The following IFT57 variants were observed in gnomAD, a reference collection of about 807,000 sequenced individuals.
The protein encoded by IFT57 is intraflagellar transport protein 57 homolog.
Under a neutral mutation model 56.8 loss-of-function variants are expected in IFT57, and 59 were observed. The observed-to-expected ratio is 1.04, with a 90% CI of 0.84 to 1.29. The LOEUF is 1.29. Ranked by LOEUF, IFT57 falls within the 50% of genes most tolerant of loss-of-function variation. The pLI is 0.00. For missense variants in IFT57, 470 were observed against 522.1 expected, an observed-to-expected ratio of 0.90 and a Z score of 0.97; for synonymous variants, 209 against 186.1, an observed-to-expected ratio of 1.12 and a Z score of -1.00.
intron 6 of IFT57, among the ~76,000 whole-genome samples, chr3:108,179,315 A>G (rs1192678129): frequency 6.6e-6 from 1 of 151,956 alleles, no homozygotes; most frequent in Non-Finnish European, 1.5e-5. Context: ...AGGGTCAACA[A>G]TTCTTTGCAA....
At chr3:108,207,323 C>A (rs113659793) in intron 4 of IFT57, among the ~76,000 whole-genome samples, 30 of 152,258 alleles carry the variant, frequency 2.0e-4, no homozygotes, top group African/African-American at 6.5e-4. Flanking sequence ...TAGAAAGTGA[C>A]CCTTTGAGAG....
chr3:108,211,977 T>C (rs2080344606), intron 4 of IFT57, among the ~76,000 whole-genome samples: 1 of 152,208 alleles, frequency 6.6e-6, no homozygotes. Flanking sequence ...TTTTTCTTTG[T>C]AAACTTTGTA....
At chr3:108,186,321 C>CAAAAAA (rs3053401) in intron 6 of IFT57, among the ~76,000 whole-genome samples, 1 of 140,078 alleles carries the variant, frequency 7.1e-6, no homozygotes, top group Admixed American at 7.1e-5. Flanking sequence ...GTGGCTATGC[C>CAAAAAA]AAAAAAAAAA....
Position 108,219,529 on chromosome 3 carries a change from T to G in IFT57, c.256A>C (p.Met86Leu). The G allele has an allele frequency of 6.2e-7, 1 of 1,613,930 alleles. No homozygotes were observed. The highest frequency in any genetic ancestry group is 8.5e-7 in the Non-Finnish European group (1 of 1,179,862). ...LPTNPGEQFY[M>L]FCTLAAWLIN... The stretch of plus-strand genomic sequence containing the variant: ...AACCAAGCAGCAAGAGTACAAAACA[T>G]GTAGAACTGTTCGCCAGGGTTGGTA... The change falls in exon 2 of 11, where the codon ATG (methionine) becomes CTG (leucine). Residue 86 changes from methionine (M) to leucine (L), a missense_variant. Transcript: ENST00000264538.
intron 6 of IFT57, among the ~76,000 whole-genome samples, chr3:108,168,769 T>G (rs1196851244): frequency 6.6e-6 from 1 of 152,032 alleles, no homozygotes; most frequent in African/African-American, 2.4e-5. Flanking sequence ...CCTGTGTTAG[T>G]CTGCTGAGAA....
chr3:108,190,583 C>T (rs1560113223), intron 6 of IFT57, among the ~76,000 whole-genome samples: 1 of 152,192 alleles, frequency 6.6e-6, no homozygotes, highest in Non-Finnish European at 1.5e-5. Flanking sequence ...TAAGGCCTCC[C>T]CAGCCATGCT....
At chr3:108,164,244 C>T (rs773170715) in intron 9 of IFT57, among the ~76,000 whole-genome samples, 1 of 151,894 alleles carries the variant, frequency 6.6e-6, no homozygotes, top group African/African-American at 2.4e-5. Context: ...ATTGCTTTAT[C>T]CAAATCATGA....
chr3:108,182,148 C>T (rs1019683800), intron 6 of IFT57, among the ~76,000 whole-genome samples: 2 of 151,828 alleles, frequency 1.3e-5, no homozygotes, highest in African/African-American at 4.8e-5. Flanking sequence ...TTTATAAATC[C>T]CTGCAGGTCA....
intron 7 of IFT57, chr3:108,167,187 G>A (rs562151645): frequency 3.8e-5 from 19 of 505,486 alleles, no homozygotes; most frequent in Non-Finnish European, 5.9e-5. Context: ...GAATAAAAAT[G>A]CACCTGGCAG....
At chr3:108,197,472 G>A (rs1042151283) in intron 5 of IFT57, among the ~76,000 whole-genome samples, 3 of 152,084 alleles carry the variant, frequency 2.0e-5, no homozygotes, top group African/African-American at 7.2e-5. Flanking sequence ...TCAAACAGTG[G>A]GGCACACCAT....
At chr3:108,191,452 T>C in intron 6 of IFT57, 69 bp downstream of exon 6, 1 of 1,049,006 alleles carries the variant, frequency 9.5e-7, no homozygotes, top group African/African-American at 1.6e-5. Flanking sequence ...TAATTGGGAG[T>C]ACCCCTAACC....
intron 6 of IFT57, among the ~76,000 whole-genome samples, chr3:108,174,861 A>T (rs982536884): frequency 1.1e-4 from 16 of 151,866 alleles, no homozygotes. Context: ...GCTGAAGCAG[A>T]TATCAGCAGA....
intron 3 of IFT57, among the ~76,000 whole-genome samples, chr3:108,217,596 T>C (rs1478894900): frequency 3.3e-5 from 5 of 151,926 alleles, no homozygotes; most frequent in Admixed American, 6.6e-5. Context: ...TTCAAGGAAG[T>C]TATTAAACTT....
At chr3:108,198,078 A>G (rs62267865) in intron 5 of IFT57, among the ~76,000 whole-genome samples, 13,931 of 152,228 alleles carry the variant, frequency 0.092, 706 homozygotes, top group Middle Eastern at 0.12. Flanking sequence ...ACCATGAAAC[A>G]GGGAGTCTTA....
intron 6 of IFT57, among the ~76,000 whole-genome samples, chr3:108,185,551 ATT>A (rs1179200943): frequency 0.012 from 1,004 of 87,228 alleles, 2 homozygotes; most frequent in African/African-American, 0.045. Flanking sequence ...GAGCACTAGG[ATT>A]TTTTTTTTTT....
rs753603210 is a variant in IFT57, at chr3:108,222,100, C to T, written c.212+11G>A. 6.3e-7 allele frequency: 1 copy of T among 1,583,140 alleles called. No individual in the cohort carries two copies. Among genetic ancestry groups the T allele is most frequent in the Admixed American group, 1.8e-5 (1 of 55,960 alleles). On this transcript the variant is annotated intron_variant, in intron 1 of 10. Transcript: ENST00000264538. ...GCAGGCACCCGGGCGCTCGGGGACG[C>T]CGGCACCCACCTGGACGGGGCCTTC...
chr3:108,212,470 C>T (rs1309345859), intron 4 of IFT57, among the ~76,000 whole-genome samples: 1 of 152,106 alleles, frequency 6.6e-6, no homozygotes. Flanking sequence ...ATGTGAGGTG[C>T]CTGCTCCCAC....
At chr3:108,205,811 CAT>C (rs540938242) in intron 5 of IFT57, among the ~76,000 whole-genome samples, 2,718 of 120,600 alleles carry the variant, frequency 0.023, 111 homozygotes, top group African/African-American at 0.077. Context: ...AATATTATAG[CAT>C]ATTATATATT....
At chr3:108,163,195 C>A (rs1202542079) in intron 10 of IFT57, among the ~76,000 whole-genome samples, 1 of 152,028 alleles carries the variant, frequency 6.6e-6, no homozygotes, top group Non-Finnish European at 1.5e-5. Flanking sequence ...GGATGATTAC[C>A]AGAGGATGAT....
Sources: gnomAD v4.1 joint callset for allele counts (sites outside exome capture counted in the v4.1 genomes callset) on GRCh38, gnomAD v4.1.1 for gene constraint, MANE v1.5 for transcripts, NCBI Gene and HGNC (gene_info 2026-07-23, HGNC 2026-07-21) for gene names.